The following PTGER3 variants were observed in gnomAD, a reference collection of about 807,000 sequenced individuals.
PTGER3 encodes prostaglandin E receptor 3.
Under a neutral mutation model 34.7 loss-of-function variants are expected in PTGER3, and 22 were observed. The ratio of observed to expected loss-of-function variants is 0.63; its 90% CI spans 0.45 to 0.91. PTGER3 has a LOEUF of 0.91. Among genes scored for constraint, PTGER3 ranks in the 40% least tolerant of loss-of-function variants. The pLI is 0.00. For missense variants in PTGER3, 468 were observed against 519.4 expected (o/e 0.90, Z 0.96); for synonymous variants, 241 against 230.1 (o/e 1.05, Z -0.43).
At chr1:70,902,968 A>G (rs11209711) in intron 4 of PTGER3, among the ~76,000 whole-genome samples, 37,526 of 151,950 alleles carry the variant, frequency 0.25, 5,066 homozygotes, top group Middle Eastern at 0.33. Flanking sequence ...ATTTGGAAAA[A>G]GAAACTTTGC....
In PTGER3 at chr1:70,987,852, T is replaced by C. The variant is rs149050366; in HGVS notation, c.1078-13464A>G. On this transcript the variant is annotated intron_variant, in intron 2 of 3. Coordinates refer to ENST00000306666, the MANE Select transcript of PTGER3 (RefSeq NM_198719.2). ...CTGACTAGTGAAGGTCAATTCAATT[T>C]AGCACTCATTGATTACATATCTTTC... is the stretch of plus-strand genomic sequence containing the variant. 9.9e-3 allele frequency among the ~76,000 whole-genome samples: 1,505 copies of C among 152,332 alleles called. 36 individuals are homozygous for C. The highest frequency in any genetic ancestry group is 0.035 in the African/African-American group (1,442 of 41,552).
At chr1:70,910,995 G>A (rs1388478492) in intron 4 of PTGER3, among the ~76,000 whole-genome samples, 3 of 151,550 alleles carry the variant, frequency 2.0e-5, no homozygotes, top group Non-Finnish European at 4.4e-5. Flanking sequence ...GAGGAGAATC[G>A]CTTGAACCCG....
chr1:70,985,412 G>A (rs72671017), intron 2 of PTGER3, among the ~76,000 whole-genome samples: 2,135 of 152,242 alleles, frequency 0.014, 24 homozygotes, highest in Middle Eastern at 0.034. Context: ...GAGGCCAAAA[G>A]AGTAAGAGTC....
intron 2 of PTGER3, among the ~76,000 whole-genome samples, chr1:70,977,926 G>C (rs1207317573): frequency 6.6e-6 from 1 of 152,022 alleles, no homozygotes; most frequent in Non-Finnish European, 1.5e-5. Context: ...CTAAACAACT[G>C]ACCAGAATTA....
intron 2 of PTGER3, chr1:71,010,741 T>C (rs907125613): frequency 4.1e-6 from 4 of 985,106 alleles, no homozygotes; most frequent in Non-Finnish European, 4.8e-6. Context: ...AGAACCATCA[T>C]TAATTACATA....
intron 1 of PTGER3, among the ~76,000 whole-genome samples, chr1:71,027,091 AAC>A (rs1251592924): frequency 6.6e-6 from 1 of 152,196 alleles, no homozygotes; most frequent in Non-Finnish European, 1.5e-5. Flanking sequence ...GTAATAATAA[AAC>A]AGTTCCTACA....
At chr1:70,874,577 T>C (rs1646234231) in intron 4 of PTGER3, among the ~76,000 whole-genome samples, 1 of 152,202 alleles carries the variant, frequency 6.6e-6, no homozygotes, top group African/African-American at 2.4e-5. Context: ...GGTTCTTGCC[T>C]CACAACTTGT....
intron 4 of PTGER3, among the ~76,000 whole-genome samples, chr1:70,861,405 G>A (rs114678445): frequency 6.6e-6 from 1 of 152,140 alleles, no homozygotes; most frequent in Non-Finnish European, 1.5e-5. Context: ...AGCACAACCT[G>A]TAAATGTTGA....
rs150529888 is a variant in PTGER3, at chr1:71,003,086, T to C, written c.1077+9219A>G. Among the ~76,000 whole-genome samples, 88 of 152,362 alleles carry C rather than the reference T, an allele frequency of 5.8e-4. No individual in the cohort carries two copies. The East Asian group carries it at 0.016, about 27-fold the overall frequency. On this transcript the variant is annotated intron_variant, in intron 2 of 3. Transcript: ENST00000306666. ...TGCAAAAATACATGTCATTAATTGC[T>C]CTGCATTTTTCCCTCCAGAGAAATG... is the stretch of plus-strand genomic sequence containing the variant.
chr1:70,879,586 A>T (rs974090439), intron 4 of PTGER3, among the ~76,000 whole-genome samples: 1 of 151,846 alleles, frequency 6.6e-6, no homozygotes, highest in African/African-American at 2.4e-5. Context: ...TTTAGTGTCT[A>T]TTTTGTCTGA....
intron 4 of PTGER3, among the ~76,000 whole-genome samples, chr1:70,924,809 C>A (rs1171519911): frequency 6.6e-6 from 1 of 152,076 alleles, no homozygotes; most frequent in Non-Finnish European, 1.5e-5. Context: ...CTTGCTTTCA[C>A]TTTAATCCAT....
chr1:70,894,823 G>A (rs1646692340), intron 4 of PTGER3, among the ~76,000 whole-genome samples: 1 of 152,186 alleles, frequency 6.6e-6, no homozygotes, highest in African/African-American at 2.4e-5. Flanking sequence ...CTAATACCCA[G>A]GGAGTTTAAG....
At chr1:70,882,713 A>G (rs1646416219) in intron 4 of PTGER3, among the ~76,000 whole-genome samples, 1 of 152,110 alleles carries the variant, frequency 6.6e-6, no homozygotes, top group East Asian at 1.9e-4. Flanking sequence ...CCAGTCTTGC[A>G]TAGGTCCCTG....
At chr1:70,965,103 T>C (rs1272438494) in intron 2 of PTGER3, among the ~76,000 whole-genome samples, 1 of 151,978 alleles carries the variant, frequency 6.6e-6, no homozygotes, top group Non-Finnish European at 1.5e-5. Context: ...GAACAGCATA[T>C]GAAAAGCACA....
At chr1:70,918,750 T>A (rs1232748782) in intron 4 of PTGER3, among the ~76,000 whole-genome samples, 1 of 152,014 alleles carries the variant, frequency 6.6e-6, no homozygotes, top group Non-Finnish European at 1.5e-5. Flanking sequence ...ATTCTACAGT[T>A]GAATTTTGAA....
chr1:71,041,849 T>G (rs1319974768), intron 1 of PTGER3, among the ~76,000 whole-genome samples: 2 of 152,356 alleles, frequency 1.3e-5, no homozygotes, highest in African/African-American at 4.8e-5. Context: ...GGGACTTCCC[T>G]GCATTTCTGT....
rs544051898 is a variant in PTGER3 at position 70,975,755 on chromosome 1, G to A, written c.1078-1367C>T. 1.6e-3 allele frequency among the ~76,000 whole-genome samples: 248 copies of A among 152,266 alleles called. 2 individuals carry two copies. The highest frequency in any genetic ancestry group is 0.014 in the Middle Eastern group (4 of 294). ...CACAGCAAACAGAAAAAGTTTAGTG[G>A]CAATTTGCACAGAAATTTTATGGTT... is the stretch of plus-strand genomic sequence containing the variant. On this transcript the variant is annotated intron_variant, in intron 2 of 3. Coordinates refer to ENST00000306666, the MANE Select transcript of PTGER3 (RefSeq NM_198719.2).
chr1:70,953,060 C>A lies in PTGER3; in HGVS notation c.1105-1G>T, dbSNP rs1183892192. ...GAGAGTTCTGCAAACTGCAGATTAA[C>A]TAACCACAGATCAAAATATTGAGAA... On this transcript the variant is annotated splice_acceptor_variant, in intron 3 of 3. Transcript: ENST00000356595. LOFTEE classifies it high-confidence loss of function. 1.3e-6 allele frequency: 2 copies of A among 1,579,622 alleles called. No individual in the cohort carries two copies. The highest frequency in any genetic ancestry group is 1.8e-5 in the Admixed American group (1 of 54,954).
chr1:70,945,921 T>C (rs538852880), intron 4 of PTGER3, among the ~76,000 whole-genome samples: 1 of 152,238 alleles, frequency 6.6e-6, no homozygotes, highest in African/African-American at 2.4e-5. Context: ...TGAAGTAAGA[T>C]GGAGGTGGAT....
Sources: allele counts gnomAD v4.1 joint callset (sites outside exome capture counted in the v4.1 genomes callset), GRCh38; gene constraint gnomAD v4.1.1; transcripts MANE v1.5; gene names NCBI Gene and HGNC (gene_info 2026-07-23, HGNC 2026-07-21).